TIAM1: variants seen among roughly 807,000 people sequenced by gnomAD.
TIAM1 encodes the protein TIAM Rac1 associated GEF 1, also known as rho guanine nucleotide exchange factor TIAM1.
In TIAM1, 65 loss-of-function variants were observed where a neutral mutation model predicts 163.5. The ratio of observed to expected loss-of-function variants is 0.40; its 90% confidence interval spans 0.33 to 0.49. The LOEUF is 0.49. TIAM1 is among the 20% of genes least tolerant of loss of function. The pLI, the probability that TIAM1 is intolerant of heterozygous loss-of-function variation, is 0.77. For missense variants in TIAM1, 1,789 were observed against 2,044.7 expected, an observed-to-expected ratio of 0.87 and a Z score of 2.41; for synonymous variants, 833 against 810.1, an observed-to-expected ratio of 1.03 and a Z score of -0.48.
chr21:31,495,479 TCACGACAGAGGAGCCTC>T (rs1170065346), intron 1 of TIAM1, among the ~76,000 whole-genome samples: 4 of 152,100 alleles, frequency 2.6e-5, no homozygotes, highest in African/African-American at 7.2e-5. Context: ...TTAATGCCAT[TCACGACAGAGGAGCCTC>T]CACGGCAGAG....
In TIAM1 at chr21:31,152,719, G is replaced by A; in HGVS notation, c.3283C>T (p.Gln1095Ter). The A allele has an allele frequency of 6.2e-7, 1 of 1,614,060 alleles. No homozygotes were observed. Among genetic ancestry groups the A allele is most frequent in the Non-Finnish European group, 8.5e-7 (1 of 1,180,002 alleles). ...FGNLTEMVEF[Q>*]VEFLKTLEDG... The stretch of plus-strand genomic sequence containing the variant: ...TCTAGAGTTTTAAGGAATTCTACTT[G>A]AAACTCTACCATTTCCGTTAAATTT... The change falls in exon 19 of 28, where the codon CAA becomes TAA. Residue 1095 changes from glutamine to a stop codon, truncating the protein, a stop_gained. Transcript: ENST00000541036. LOFTEE classifies it high-confidence loss of function.
intron 2 of TIAM1, among the ~76,000 whole-genome samples, chr21:31,309,073 T>C (rs2074825667): frequency 6.6e-6 from 1 of 152,064 alleles, no homozygotes; most frequent in South Asian, 2.1e-4. Flanking sequence ...ATCAATTCTG[T>C]GGGAGGGGGA....
At chr21:31,548,093 T>G (rs1054758009) in intron 1 of TIAM1, among the ~76,000 whole-genome samples, 9 of 151,110 alleles carry the variant, frequency 6.0e-5, no homozygotes, top group Admixed American at 3.3e-4. Context: ...TCCTAAGACA[T>G]TTCAACATGT....
chr21:31,433,058 T>A (rs2284511), intron 2 of TIAM1, among the ~76,000 whole-genome samples: 33,993 of 152,130 alleles, frequency 0.22, 5,732 homozygotes, highest in African/African-American at 0.47. Flanking sequence ...ATTGAAGTAA[T>A]GGCCTTTTGT....
intron 2 of TIAM1, among the ~76,000 whole-genome samples, chr21:31,372,543 CAA>C (rs776663246): frequency 7.2e-5 from 11 of 151,944 alleles, no homozygotes; most frequent in Non-Finnish European, 1.5e-5. Context: ...AAGAGAGGGC[CAA>C]AGTTGAAACT....
At chr21:31,397,298 G>C (rs1056086470) in intron 2 of TIAM1, among the ~76,000 whole-genome samples, 2 of 152,200 alleles carry the variant, frequency 1.3e-5, no homozygotes, top group Admixed American at 6.5e-5. Context: ...AACTGAGGCA[G>C]AGAAGTTGTT....
rs778382114 is a variant in TIAM1, at chr21:31,120,676, G to A, written c.4468C>T (p.Leu1490Phe). The change falls in exon 28 of 28, where the codon CTT becomes TTT. Residue 1490 changes from leucine to phenylalanine, a missense_variant. This residue lies in a region of TIAM1 where 415 missense variants were observed against 439.2 expected (regional missense o/e 0.94). Coordinates refer to ENST00000541036, the MANE Select transcript of TIAM1 (RefSeq NM_001353694.2). The surrounding 1 kb of genome is among the most constrained non-coding windows in gnomAD (Gnocchi z 4.2). The part of the protein sequence containing the change: ...TDRWVEEQFD[L>F]AQYEEQDDIK... ...TCATCTTGCTCCTCATACTGAGCAA[G>A]ATCAAACTGCTCCTCTACCCATCGG... is the stretch of plus-strand genomic sequence containing the variant. 8.1e-6 allele frequency: 13 copies of A among 1,614,118 alleles called. No individual in the cohort carries two copies. The South Asian group carries it at 1.3e-4, about 16-fold the overall frequency.
At chr21:31,502,767 AG>A (rs1017923442) in intron 1 of TIAM1, among the ~76,000 whole-genome samples, 13 of 152,222 alleles carry the variant, frequency 8.5e-5, no homozygotes, top group Non-Finnish European at 1.0e-4. Flanking sequence ...TAATGATTCA[AG>A]GATTGCTAAT....
At chr21:31,365,379 ATTTC>A (rs200441629) in intron 2 of TIAM1, among the ~76,000 whole-genome samples, 8 of 126,692 alleles carry the variant, frequency 6.3e-5, no homozygotes, top group South Asian at 2.7e-4. Context: ...TGTCTCACTT[ATTTC>A]TTTCTTTTTT....
intron 5 of TIAM1, among the ~76,000 whole-genome samples, chr21:31,249,342 G>C (rs1049206063): frequency 1.4e-4 from 22 of 152,184 alleles, no homozygotes; most frequent in African/African-American, 5.3e-4. Context: ...CCAACACCTT[G>C]ATCTTGGATT....
chr21:31,417,416 C>T (rs909477320), intron 2 of TIAM1, among the ~76,000 whole-genome samples: 6 of 152,118 alleles, frequency 3.9e-5, no homozygotes, highest in Non-Finnish European at 7.4e-5. Flanking sequence ...GCAAAAGGCA[C>T]GCCTTACATG....
intron 2 of TIAM1, among the ~76,000 whole-genome samples, chr21:31,379,560 C>G (rs2076743498): frequency 6.6e-6 from 1 of 151,586 alleles, no homozygotes; most frequent in Non-Finnish European, 1.5e-5. Context: ...TATGTCCACA[C>G]AAAAGCTTGT....
chr21:31,411,201 G>A (rs1399879468), intron 2 of TIAM1, among the ~76,000 whole-genome samples: 1 of 152,206 alleles, frequency 6.6e-6, no homozygotes, highest in East Asian at 1.9e-4. Flanking sequence ...AGGAGAGTAA[G>A]AAGCTGGGGC....
At position 31,417,101 on chromosome 21, in the gene TIAM1, C is replaced by T. The variant is rs7278757; in HGVS notation, c.-369+46882G>A. ...GCAATGGCACAATCTCGGCTCACTG[C>T]AACCTCTGCCTCCTGGGTTCAAGCA... On this transcript the variant is annotated intron_variant, in intron 2 of 28. Coordinates refer to the TIAM1 transcript ENST00000286827. 1.3e-5 allele frequency among the ~76,000 whole-genome samples: 2 copies of T among 152,284 alleles called. 1 individual carries two copies. The highest frequency in any genetic ancestry group is 4.1e-4 in the South Asian group (2 of 4,822).
Position 31,154,178 on chromosome 21 carries a change from C to T in TIAM1, c.3171+69G>A, listed in dbSNP as rs977060643. 2.0e-6 allele frequency: 3 copies of T among 1,518,458 alleles called. No homozygotes were observed. The South Asian group carries it at 3.7e-5, about 19-fold the overall frequency. 94.1% of individuals were successfully genotyped at this position (1,518,458 alleles called of 1,614,324 possible). On this transcript the variant is annotated intron_variant, in intron 17 of 27. Coordinates refer to ENST00000541036, the MANE Select transcript of TIAM1 (RefSeq NM_001353694.2). Reference sequence around the variant, plus strand: ...AGTTTAAATCAGCTGTTAATGAAAACCAGCAGACACACCAACTTCACTCCT... The same window carrying T: ...AGTTTAAATCAGCTGTTAATGAAAATCAGCAGACACACCAACTTCACTCCT...
rs192680415 is a variant in TIAM1 at position 31,373,272 on chromosome 21, A to C, written c.-368-33850T>G. On this transcript the variant is annotated intron_variant, in intron 2 of 28. Transcript: ENST00000286827. ...ACCACTGCACTCCAGCTTGGGATAC[A>C]GGATGAGACCCTGTCATAAAATTCC... 4.6e-3 allele frequency among the ~76,000 whole-genome samples: 700 copies of C among 152,244 alleles called. 4 individuals carry two copies. Among genetic ancestry groups the C allele is most frequent in the South Asian group, 0.024 (117 of 4,818 alleles).
chr21:31,144,562 T>G (rs374217576), intron 20 of TIAM1, among the ~76,000 whole-genome samples: 1 of 151,914 alleles, frequency 6.6e-6, no homozygotes, highest in East Asian at 1.9e-4. Flanking sequence ...GCATGGTGGA[T>G]CACACCTGTA....
intron 2 of TIAM1, among the ~76,000 whole-genome samples, chr21:31,394,474 A>G (rs2147202439): frequency 6.6e-6 from 1 of 152,244 alleles, no homozygotes; most frequent in East Asian, 1.9e-4. Flanking sequence ...TACAACACTG[A>G]GAGTGAAGCC....
intron 5 of TIAM1, among the ~76,000 whole-genome samples, chr21:31,248,774 C>T (rs1022798137): frequency 6.6e-5 from 10 of 152,080 alleles, no homozygotes; most frequent in South Asian, 2.1e-4. Flanking sequence ...GCAAAGAACT[C>T]GGTGGCTCCA....
Sources: gnomAD v4.1 joint callset for allele counts (sites outside exome capture counted in the v4.1 genomes callset) on GRCh38, gnomAD v4.1.1 for gene constraint, gnomAD v4.1.1 regional missense constraint, Gnocchi (gnomAD v3.1) non-coding constraint, MANE v1.5 for transcripts, NCBI Gene and HGNC (gene_info 2026-07-23, HGNC 2026-07-21) for gene names.